HHIP: variants seen among roughly 807,000 people sequenced by gnomAD.
HHIP encodes the protein hedgehog interacting protein.
HHIP carries 12 observed loss-of-function variants against 74.0 expected under a neutral mutation model. The observed-to-expected ratio is 0.16, with a 90% confidence interval of 0.10 to 0.26. The LOEUF (loss-of-function observed/expected upper bound fraction) is 0.26, where lower values mean the gene tolerates loss of function less well. Among genes scored for constraint, HHIP ranks in the 10% least tolerant of loss-of-function variants. The pLI is 1.00. For missense variants in HHIP, 788 were observed against 845.0 expected (o/e 0.93, Z 0.84); for synonymous variants, 309 against 311.6 (o/e 0.99, Z 0.09).
At chr4:144,661,322 T>C (rs181739096) in intron 4 of HHIP, 2 of 152,316 alleles carry the variant, frequency 1.3e-5, no homozygotes, top group Admixed American at 1.3e-4. Context: ...AATTCTGCAG[T>C]ACTTGGCCAA....
chr4:144,723,799 A>C (rs1270074375), intron 11 of HHIP, among the ~76,000 whole-genome samples: 1 of 152,236 alleles, frequency 6.6e-6, no homozygotes, highest in Non-Finnish European at 1.5e-5. Context: ...TCTTAACACT[A>C]GAGGTCATGA....
Position 144,738,030 on chromosome 4 carries a change from GTT to G in HHIP, c.*74_*75del. On this transcript the variant is annotated 3_prime_UTR_variant, in exon 13 of 13. Coordinates refer to ENST00000296575, the MANE Select transcript of HHIP (RefSeq NM_022475.3). ...ATCCTGTCATTAAAAAAAAAAGACT[GTT>G]ATCCTGCTACACACTCCTGTGATTT... 1 of 1,458,028 alleles carries G rather than the reference GTT, an allele frequency of 6.9e-7. No homozygotes were observed. The highest frequency in any genetic ancestry group is 9.0e-7 in the Non-Finnish European group (1 of 1,109,130). The allele number at this position is 1,458,028 out of a possible 1,614,324, so 90.3% of individuals were successfully genotyped here.
At chr4:144,669,781 A>G (rs7340949) in intron 4 of HHIP, among the ~76,000 whole-genome samples, 80,610 of 151,636 alleles carry the variant, frequency 0.53, 21,552 homozygotes, top group South Asian at 0.75. Flanking sequence ...TTTTATATAT[A>G]GCCACAAAAA....
intron 6 of HHIP, among the ~76,000 whole-genome samples, chr4:144,707,541 A>G (rs1362641487): frequency 6.6e-6 from 1 of 151,894 alleles, no homozygotes; most frequent in Non-Finnish European, 1.5e-5. Flanking sequence ...CTGTACAACC[A>G]TACTGCCTCT....
At chr4:144,668,412 T>C (rs938511158) in intron 4 of HHIP, among the ~76,000 whole-genome samples, 2 of 151,824 alleles carry the variant, frequency 1.3e-5, no homozygotes, top group South Asian at 4.2e-4. Context: ...AGAGCAACAG[T>C]AGACAGTAGA....
chr4:144,724,482 T>A (rs1444882057), intron 11 of HHIP, among the ~76,000 whole-genome samples: 3 of 151,876 alleles, frequency 2.0e-5, no homozygotes, highest in African/African-American at 7.2e-5. Context: ...CTTTTAATTT[T>A]TCCCCAACTT....
At chr4:144,674,571 T>C (rs976370279) in intron 4 of HHIP, among the ~76,000 whole-genome samples, 7 of 152,176 alleles carry the variant, frequency 4.6e-5, no homozygotes, top group Admixed American at 6.5e-5. Flanking sequence ...TTTATTAGAC[T>C]GCGTTCTCTA....
chr4:144,658,957 A>C lies in HHIP; in HGVS notation c.629+11A>C. The C allele has an allele frequency of 6.3e-7, 1 of 1,588,610 alleles. No homozygotes were observed. Among genetic ancestry groups the C allele is most frequent in the Non-Finnish European group, 8.6e-7 (1 of 1,166,816 alleles). Reference sequence around the variant, plus strand: ...GGAAGAGATCAGCAGGTTCATAAAGATAAATGCTCTTTAATCTTTTTAAAA... The same window carrying C: ...GGAAGAGATCAGCAGGTTCATAAAGCTAAATGCTCTTTAATCTTTTTAAAA... On this transcript the variant is annotated intron_variant, in intron 3 of 12. Coordinates refer to ENST00000296575, the MANE Select transcript of HHIP (RefSeq NM_022475.3).
intron 4 of HHIP, among the ~76,000 whole-genome samples, chr4:144,666,623 G>C (rs1017776619): frequency 1.3e-5 from 2 of 152,176 alleles, no homozygotes; most frequent in African/African-American, 4.8e-5. Context: ...CAACCAGGGT[G>C]CTAAGCTGCT....
At chr4:144,694,201 T>C (rs1291100773) in intron 4 of HHIP, among the ~76,000 whole-genome samples, 2 of 151,922 alleles carry the variant, frequency 1.3e-5, no homozygotes, top group Non-Finnish European at 2.9e-5. Flanking sequence ...AAATAATTTT[T>C]AAAGTACCGT....
intron 4 of HHIP, among the ~76,000 whole-genome samples, chr4:144,664,667 C>T (rs1560697277): frequency 6.6e-6 from 1 of 152,150 alleles, no homozygotes; most frequent in African/African-American, 2.4e-5. Flanking sequence ...GATCATGTAA[C>T]AAATGCTTCC....
intron 10 of HHIP, among the ~76,000 whole-genome samples, chr4:144,718,317 CA>C (rs1730520546): frequency 6.6e-6 from 1 of 152,114 alleles, no homozygotes; most frequent in Non-Finnish European, 1.5e-5. Flanking sequence ...CCTGGAACAG[CA>C]AGAACTTGAG....
In HHIP at chr4:144,670,455, C is replaced by CAAA. The variant is rs70956805; in HGVS notation, c.831+10631_831+10633dup. 4.5e-3 allele frequency among the ~76,000 whole-genome samples: 530 copies of CAAA among 116,634 alleles called. 8 individuals carry two copies. Among genetic ancestry groups the CAAA allele is most frequent in the Middle Eastern group, 0.01 (2 of 198 alleles). 76.5% of individuals were successfully genotyped at this position (116,634 alleles called of 152,430 possible). On this transcript the variant is annotated intron_variant, in intron 4 of 12. Coordinates refer to ENST00000296575, the MANE Select transcript of HHIP (RefSeq NM_022475.3). ...CAGCCTGGGTGACTGAAGAGACTGTCAAAAAAAAAAAAAAAAGCTAAATTA... is the reference window on the plus strand; with the variant it reads ...CAGCCTGGGTGACTGAAGAGACTGTCAAAAAAAAAAAAAAAAAAAGCTAAATTA...
chr4:144,703,338 C>T (rs1469553725), intron 4 of HHIP, among the ~76,000 whole-genome samples: 3 of 152,066 alleles, frequency 2.0e-5, no homozygotes, highest in East Asian at 3.9e-4. Flanking sequence ...CAGCTTGGCT[C>T]AACTAATCAC....
intron 12 of HHIP, among the ~76,000 whole-genome samples, chr4:144,736,918 T>C (rs1731135571): frequency 6.6e-6 from 1 of 152,178 alleles, no homozygotes; most frequent in Non-Finnish European, 1.5e-5. Context: ...ATTAACGCAT[T>C]TGAAAGGTCA....
rs181128050 is a variant in HHIP at position 144,699,156 on chromosome 4, C to A, written c.832-7375C>A. ...AGACTGCTCCTACTTCAAATACCAA[C>A]CACAAATGGGATGCCCATGCTACCA... On this transcript the variant is annotated intron_variant, in intron 4 of 12. Coordinates refer to ENST00000296575, the MANE Select transcript of HHIP (RefSeq NM_022475.3). Among the ~76,000 whole-genome samples the A allele has an allele frequency of 4.6e-5, 7 of 152,314 alleles. No individual in the cohort carries two copies. The East Asian group carries it at 7.7e-4, about 17-fold the overall frequency.
chr4:144,679,948 ACT>A (rs1578694314), intron 4 of HHIP, among the ~76,000 whole-genome samples: 2 of 152,138 alleles, frequency 1.3e-5, no homozygotes, highest in South Asian at 4.1e-4. Flanking sequence ...ACAAATCCTG[ACT>A]CTGTTGGAGA....
At chr4:144,668,856 A>AT (rs1299368417) in intron 4 of HHIP, among the ~76,000 whole-genome samples, 1 of 152,114 alleles carries the variant, frequency 6.6e-6, no homozygotes, top group Non-Finnish European at 1.5e-5. Context: ...ACACTGACAA[A>AT]TTTTTTATAT....
At chr4:144,721,606 A>C (rs1410302306) in intron 11 of HHIP, among the ~76,000 whole-genome samples, 2 of 151,852 alleles carry the variant, frequency 1.3e-5, no homozygotes, top group Non-Finnish European at 1.5e-5. Context: ...AAAAAAAAAA[A>C]AAAAAACTTC....
Sources: allele counts gnomAD v4.1 joint callset (sites outside exome capture counted in the v4.1 genomes callset), GRCh38; gene constraint gnomAD v4.1.1; transcripts MANE v1.5; gene names NCBI Gene and HGNC (gene_info 2026-07-23, HGNC 2026-07-21).